The following GBE1 variants were observed in gnomAD, a reference collection of about 807,000 sequenced individuals.
GBE1 encodes 1,4-alpha-glucan-branching enzyme.
Under a neutral mutation model 88.8 loss-of-function variants are expected in GBE1, and 70 were observed. That is an observed-to-expected ratio of 0.79 (90% CI 0.65 to 0.96). GBE1 has a LOEUF of 0.96. Among genes scored for constraint, GBE1 ranks in the 40% least tolerant of loss-of-function variants. The pLI, the probability that GBE1 is intolerant of heterozygous loss-of-function variation, is 0.00. For synonymous variants in GBE1, 284 were observed against 300.1 expected, an observed-to-expected ratio of 0.95 and a Z score of 0.56; for missense variants, 872 against 871.0, an observed-to-expected ratio of 1.00 and a Z score of -0.01.
intron 14 of GBE1, among the ~76,000 whole-genome samples, chr3:81,504,943 C>A (rs535523526): frequency 2.0e-5 from 3 of 152,134 alleles, no homozygotes; most frequent in Non-Finnish European, 4.4e-5. Flanking sequence ...CTTGAGGTTT[C>A]AAATTGAGTG....
At chr3:81,652,236 A>C (rs1704860838) in intron 3 of GBE1, among the ~76,000 whole-genome samples, 1 of 152,242 alleles carries the variant, frequency 6.6e-6, no homozygotes, top group African/African-American at 2.4e-5. Context: ...TGGGGCTTGG[A>C]GGACAAGGGG....
At chr3:81,540,055 G>A (rs909659845) in intron 12 of GBE1, among the ~76,000 whole-genome samples, 1 of 151,944 alleles carries the variant, frequency 6.6e-6, no homozygotes, top group Admixed American at 6.6e-5. Flanking sequence ...GCAATGGTTA[G>A]CAGGGTAAAG....
chr3:81,565,935 GA>G (rs1703488868), intron 12 of GBE1, among the ~76,000 whole-genome samples: 2 of 152,060 alleles, frequency 1.3e-5, no homozygotes, highest in Non-Finnish European at 1.5e-5. Context: ...AACAATATAA[GA>G]AAGGCAGAAA....
chr3:81,634,153 G>A (rs759160701), intron 7 of GBE1, among the ~76,000 whole-genome samples: 25 of 152,132 alleles, frequency 1.6e-4, no homozygotes, highest in African/African-American at 1.9e-4. Context: ...TGCCTCGTTC[G>A]CGAGTCCTGC....
intron 7 of GBE1, among the ~76,000 whole-genome samples, chr3:81,600,067 AT>A (rs1299469984): frequency 7.9e-5 from 12 of 152,058 alleles, no homozygotes; most frequent in Admixed American, 5.9e-4. Context: ...AGGTCAAGAG[AT>A]CAAGATCATC....
chr3:81,638,769 G>A (rs1417426938), intron 7 of GBE1, among the ~76,000 whole-genome samples: 1 of 152,134 alleles, frequency 6.6e-6, no homozygotes, highest in African/African-American at 2.4e-5. Context: ...ATTACTCAGA[G>A]TAAGAGATTT....
intron 7 of GBE1, among the ~76,000 whole-genome samples, chr3:81,594,438 C>A (rs1249604573): frequency 6.6e-6 from 1 of 151,948 alleles, no homozygotes; most frequent in Non-Finnish European, 1.5e-5. Context: ...TGTAATATAA[C>A]CATAATTATG....
chr3:81,610,199 C>T (rs890729788), intron 7 of GBE1, among the ~76,000 whole-genome samples: 1 of 152,130 alleles, frequency 6.6e-6, no homozygotes, highest in East Asian at 1.9e-4. Context: ...AGAGCAATAG[C>T]AGTACTAAGT....
intron 12 of GBE1, among the ~76,000 whole-genome samples, chr3:81,543,266 T>A (rs964553465): frequency 1.4e-4 from 21 of 152,202 alleles, no homozygotes; most frequent in Non-Finnish European, 2.9e-5. Flanking sequence ...ATATAGAAAG[T>A]TGCATACAAC....
At position 81,761,584 on chromosome 3, in the gene GBE1, C is replaced by T; in HGVS notation, c.-67G>A. 5 of 1,525,160 alleles carry T rather than the reference C, an allele frequency of 3.3e-6. No individual in the cohort carries two copies. Among genetic ancestry groups the T allele is most frequent in the Non-Finnish European group, 4.4e-6 (5 of 1,137,168 alleles). The allele number at this position is 1,525,160 out of a possible 1,614,324, so 94.5% of individuals were successfully genotyped here. A position where few individuals can be genotyped will look rare whatever the true frequency, so the allele number is the denominator to read the frequency against. On this transcript the variant is annotated 5_prime_UTR_variant, in exon 1 of 16. Coordinates refer to ENST00000429644, the MANE Select transcript of GBE1 (RefSeq NM_000158.4). ...TGGGGCCTGAGCGGGCGCTGGAGCT[C>T]TAGCTGGGACGCGGCGGCTAGGGCG...
chr3:81,745,605 T>G (rs932667660), intron 1 of GBE1, among the ~76,000 whole-genome samples: 2 of 152,010 alleles, frequency 1.3e-5, no homozygotes, highest in African/African-American at 4.8e-5. Flanking sequence ...TTTTGGATGT[T>G]TAGTGCTTCA....
intron 3 of GBE1, among the ~76,000 whole-genome samples, chr3:81,660,552 G>T (rs1705011714): frequency 6.6e-6 from 1 of 152,002 alleles, no homozygotes; most frequent in African/African-American, 2.4e-5. Context: ...GAGGCATGGG[G>T]AATATTCGTA....
At chr3:81,588,404 G>A (rs993325020) in intron 9 of GBE1, among the ~76,000 whole-genome samples, 3 of 152,054 alleles carry the variant, frequency 2.0e-5, no homozygotes, top group African/African-American at 7.2e-5. Flanking sequence ...AAACTGTCAA[G>A]AATGACTGGT....
At chr3:81,539,204 T>C (rs374737629) in intron 12 of GBE1, among the ~76,000 whole-genome samples, 70 of 152,146 alleles carry the variant, frequency 4.6e-4, no homozygotes, top group African/African-American at 1.5e-3. Context: ...TCTTAATTAC[T>C]ACCATAGCAT....
At chr3:81,537,899 A>G (rs917628825) in intron 12 of GBE1, among the ~76,000 whole-genome samples, 1 of 151,986 alleles carries the variant, frequency 6.6e-6, no homozygotes, top group Non-Finnish European at 1.5e-5. Context: ...CAGAAACCCA[A>G]TAAACTTAAA....
chr3:81,624,504 C>T (rs757746566), intron 7 of GBE1, among the ~76,000 whole-genome samples: 8 of 152,070 alleles, frequency 5.3e-5, no homozygotes, highest in Non-Finnish European at 1.0e-4. Context: ...AGTAAACTTC[C>T]CACTTGCACA....
intron 1 of GBE1, among the ~76,000 whole-genome samples, chr3:81,732,489 C>A (rs1482076157): frequency 6.6e-6 from 1 of 152,108 alleles, no homozygotes; most frequent in Non-Finnish European, 1.5e-5. Context: ...GGGCCCAGGT[C>A]ACTTAAATTT....
At chr3:81,735,315 G>A (rs1706243796) in intron 1 of GBE1, among the ~76,000 whole-genome samples, 1 of 152,178 alleles carries the variant, frequency 6.6e-6, no homozygotes, top group Non-Finnish European at 1.5e-5. Context: ...TTTGAAGGTA[G>A]CCCTGCTCTG....
chr3:81,687,075 C>T (rs1705452954), intron 2 of GBE1, among the ~76,000 whole-genome samples: 1 of 152,172 alleles, frequency 6.6e-6, no homozygotes, highest in Admixed American at 6.5e-5. Context: ...TACTATAGAT[C>T]CGTCAATCAG....
Sources: allele counts gnomAD v4.1 joint callset (sites outside exome capture counted in the v4.1 genomes callset), GRCh38; gene constraint gnomAD v4.1.1; transcripts MANE v1.5; gene names NCBI Gene and HGNC (gene_info 2026-07-23, HGNC 2026-07-21).